The following TMEM132B variants were observed in gnomAD, a reference collection of about 807,000 sequenced individuals.
The protein encoded by TMEM132B is transmembrane protein 132B.
Under a neutral mutation model 90.8 loss-of-function variants are expected in TMEM132B, and 18 were observed. The observed-to-expected ratio is 0.20, with a 90% confidence interval of 0.14 to 0.29. TMEM132B has a LOEUF of 0.29. Ranked by LOEUF, TMEM132B falls within the 10% of genes least tolerant of loss-of-function variation. TMEM132B has a pLI of 1.00. For missense variants in TMEM132B, 1,096 were observed against 1,326.8 expected (o/e 0.83, Z 2.70); for synonymous variants, 504 against 523.3 (o/e 0.96, Z 0.50).
At chr12:125,556,101 C>T (rs897882046) in intron 4 of TMEM132B, among the ~76,000 whole-genome samples, 4 of 152,182 alleles carry the variant, frequency 2.6e-5, no homozygotes, top group South Asian at 2.1e-4. Context: ...AAATTTTATT[C>T]GAGCTGTCAG....
chr12:125,650,660 T>A (rs1886881773), intron 6 of TMEM132B, 23 bp from the exon 7 acceptor site: 1 of 1,599,702 alleles, frequency 6.3e-7, no homozygotes, highest in Non-Finnish European at 8.6e-7. Context: ...GACTTTGTTC[T>A]GTTTCGATTC....
At chr12:125,267,157 C>T (rs1373638746) in intron 1 of TMEM132B, among the ~76,000 whole-genome samples, 6 of 152,230 alleles carry the variant, frequency 3.9e-5, no homozygotes, top group Non-Finnish European at 8.8e-5. Flanking sequence ...GTTTAACCAT[C>T]CCCATGTAGG....
At chr12:125,329,401 G>T (rs2136201244) in intron 1 of TMEM132B, among the ~76,000 whole-genome samples, 1 of 152,284 alleles carries the variant, frequency 6.6e-6, no homozygotes, top group Admixed American at 6.5e-5. Context: ...ACCCCAGGAG[G>T]CAGATGGTAT....
At chr12:125,501,261 GT>G (rs1203515665) in intron 3 of TMEM132B, among the ~76,000 whole-genome samples, 4 of 152,204 alleles carry the variant, frequency 2.6e-5, no homozygotes, top group African/African-American at 9.6e-5. Context: ...TTTAGTATAT[GT>G]ATGTTCTATG....
intron 1 of TMEM132B, among the ~76,000 whole-genome samples, chr12:125,313,934 C>G (rs556624597): frequency 6.6e-6 from 1 of 151,728 alleles, no homozygotes; most frequent in Admixed American, 6.6e-5. Flanking sequence ...TCTGGCCAGC[C>G]GTCCTCTCTG....
At chr12:125,367,099 A>G (rs1294066911) in intron 2 of TMEM132B, among the ~76,000 whole-genome samples, 1 of 152,168 alleles carries the variant, frequency 6.6e-6, no homozygotes, top group African/African-American at 2.4e-5. Flanking sequence ...ATCACTGATG[A>G]CAGTTGTAAT....
At position 125,360,931 on chromosome 12, in the gene TMEM132B, C is replaced by T. The variant is rs148312419; in HGVS notation, c.959+10588C>T. On this transcript the variant is annotated intron_variant, in intron 2 of 8. Coordinates refer to ENST00000682704, the MANE Select transcript of TMEM132B (RefSeq NM_001366854.1). ...CTATGTGACTTTGCACATGTCACTC[C>T]ACCTCTCTGAGCCTTGCCTTCCTCT... Among the ~76,000 whole-genome samples the T allele has an allele frequency of 2.6e-5, 4 of 152,086 alleles. No homozygotes were observed. The East Asian group carries it at 5.8e-4, about 22-fold the overall frequency.
At chr12:125,290,462 CT>C (rs1875506804) in intron 1 of TMEM132B, among the ~76,000 whole-genome samples, 1 of 152,146 alleles carries the variant, frequency 6.6e-6, no homozygotes, top group African/African-American at 2.4e-5. Context: ...TTACCACTGC[CT>C]GAATTTAGCA....
rs1887039639 is a variant in TMEM132B at position 125,655,566 on chromosome 12, A to G, written c.*856A>G. ...AACATTTGGAAAAAAGTTGTCAATC[A>G]CAAACATTTATTTTTATTCTCTGCT... On this transcript the variant is annotated 3_prime_UTR_variant, in exon 9 of 9. Transcript: ENST00000682704. 1 of 152,236 alleles carries G rather than the reference A, an allele frequency of 6.6e-6. No individual in the cohort carries two copies. The highest frequency in any genetic ancestry group is 6.5e-5 in the Admixed American group (1 of 15,286). 9.4% of individuals were successfully genotyped at this position (152,236 alleles called of 1,614,324 possible).
intron 2 of TMEM132B, among the ~76,000 whole-genome samples, chr12:125,405,215 C>T (rs539325822): frequency 1.2e-4 from 19 of 152,206 alleles, no homozygotes; most frequent in Non-Finnish European, 2.6e-4. Context: ...TTTCCCCTAC[C>T]TTCTGGTTGT....
chr12:125,325,742 T>A (rs1876546167), intron 1 of TMEM132B, among the ~76,000 whole-genome samples: 2 of 151,786 alleles, frequency 1.3e-5, no homozygotes, highest in African/African-American at 4.8e-5. Flanking sequence ...AACTTTGTTT[T>A]GTTGTCGTTG....
chr12:125,322,173 G>A (rs536643990), intron 1 of TMEM132B, among the ~76,000 whole-genome samples: 1 of 152,160 alleles, frequency 6.6e-6, no homozygotes, highest in Non-Finnish European at 1.5e-5. Flanking sequence ...TGAATCATGG[G>A]GCTGGGTTTT....
intron 1 of TMEM132B, among the ~76,000 whole-genome samples, chr12:125,259,160 T>C (rs542760559): frequency 6.6e-6 from 1 of 152,340 alleles, no homozygotes; most frequent in Admixed American, 6.5e-5. Flanking sequence ...CCTGTTTTAT[T>C]ATCTCTTCTG....
intron 1 of TMEM132B, among the ~76,000 whole-genome samples, chr12:125,194,553 G>T (rs1440516181): frequency 6.6e-6 from 1 of 152,112 alleles, no homozygotes; most frequent in African/African-American, 2.4e-5. Context: ...CGGAGTCTGC[G>T]GCTCTTTGTT....
chr12:125,597,775 T>C (rs956834365), intron 5 of TMEM132B, among the ~76,000 whole-genome samples: 5 of 152,148 alleles, frequency 3.3e-5, no homozygotes, highest in African/African-American at 1.2e-4. Context: ...CCATTTCAAG[T>C]AGATGTCACA....
intron 1 of TMEM132B, among the ~76,000 whole-genome samples, chr12:125,189,745 G>C (rs1593034745): frequency 6.6e-6 from 1 of 152,114 alleles, no homozygotes; most frequent in East Asian, 1.9e-4. Context: ...AGCCAACAAT[G>C]AGCACGGTGG....
At chr12:125,607,713 C>T (rs546502776) in intron 5 of TMEM132B, among the ~76,000 whole-genome samples, 1 of 152,288 alleles carries the variant, frequency 6.6e-6, no homozygotes, top group East Asian at 1.9e-4. Context: ...AGAATATTTT[C>T]ATCACCCCCA....
intron 5 of TMEM132B, among the ~76,000 whole-genome samples, chr12:125,619,951 C>A (rs1197689038): frequency 6.6e-6 from 1 of 152,144 alleles, no homozygotes; most frequent in Non-Finnish European, 1.5e-5. Flanking sequence ...GACAATGGAG[C>A]ATCAGACTCT....
At chr12:125,359,369 C>T (rs533761210) in intron 2 of TMEM132B, among the ~76,000 whole-genome samples, 1 of 152,210 alleles carries the variant, frequency 6.6e-6, no homozygotes, top group African/African-American at 2.4e-5. Flanking sequence ...TACTTTAGCA[C>T]TGTTAAATAT....
Sources: gnomAD v4.1 joint callset for allele counts (sites outside exome capture counted in the v4.1 genomes callset) on GRCh38, gnomAD v4.1.1 for gene constraint, MANE v1.5 for transcripts, NCBI Gene and HGNC (gene_info 2026-07-23, HGNC 2026-07-21) for gene names.